The following MGARP variants were observed in gnomAD, a reference collection of about 807,000 sequenced individuals.
The protein encoded by MGARP is mitochondria localized glutamic acid rich protein, also known as protein MGARP.
In MGARP, 12 loss-of-function variants were observed where a neutral mutation model predicts 11.0. That is an observed-to-expected ratio of 1.09 (90% CI 0.70 to 1.77). The LOEUF (loss-of-function observed/expected upper bound fraction) is 1.77. Among genes scored for constraint, MGARP ranks in the 40% most tolerant of loss-of-function variants. The pLI is 0.00. For missense variants in MGARP, 283 were observed against 297.8 expected (o/e 0.95, Z 0.36); for synonymous variants, 110 against 115.4 (o/e 0.95, Z 0.30).
At chr4:139,277,120 T>C (rs1744885826) in intron 1 of MGARP, among the ~76,000 whole-genome samples, 1 of 152,212 alleles carries the variant, frequency 6.6e-6, no homozygotes, top group Non-Finnish European at 1.5e-5. Flanking sequence ...TCAGAAAGTT[T>C]CTAATTTTGG....
At chr4:139,267,799 C>G (rs1744719190) in intron 3 of MGARP, among the ~76,000 whole-genome samples, 1 of 151,988 alleles carries the variant, frequency 6.6e-6, no homozygotes, top group Non-Finnish European at 1.5e-5. Context: ...ATAATAATAG[C>G]TTGGAAAAAA....
At chr4:139,272,057 GT>G (rs34302192) in intron 2 of MGARP, among the ~76,000 whole-genome samples, 35,603 of 144,676 alleles carry the variant, frequency 0.25, 4,264 homozygotes, top group Non-Finnish European at 0.27. Context: ...CTCAATCTCT[GT>G]TTTTTTTTTT....
chr4:139,280,145 C>G lies in MGARP; in HGVS notation c.14G>C (p.Arg5Thr), dbSNP rs777599369. 1.2e-6 allele frequency: 2 copies of G among 1,610,192 alleles called. No homozygotes were observed. The highest frequency in any genetic ancestry group is 2.7e-5 in the African/African-American group (2 of 74,754). Residue 5 changes from arginine to threonine, a missense_variant, in exon 1 of 4, where the codon AGG becomes ACG. Physicochemically the swap from Arg to Thr is moderately conservative, Grantham distance 71. Coordinates refer to ENST00000398955, the MANE Select transcript of MGARP (RefSeq NM_032623.4). MYLR[R>T]AVSKTLALPL... ...CAGCGCCAGAGTCTTGGAGACCGCC[C>G]TGCGGAGATACATCGCGCCCGCTGT...
intron 2 of MGARP, 125 bp downstream of exon 2, chr4:139,275,164 C>A: frequency 1.4e-6 from 1 of 720,976 alleles, no homozygotes; most frequent in Non-Finnish European, 2.3e-6. Context: ...CTTAATGACA[C>A]TTAAATCTAT....
intron 2 of MGARP, 82 bp downstream of exon 2, chr4:139,275,207 C>T (rs1744847140): frequency 9.2e-7 from 1 of 1,089,352 alleles, no homozygotes; most frequent in African/African-American, 1.6e-5. Flanking sequence ...ATCTCATGTC[C>T]TGATCTTGAC....
intron 1 of MGARP, among the ~76,000 whole-genome samples, chr4:139,278,338 G>A (rs191776316): frequency 1.9e-4 from 29 of 152,276 alleles, no homozygotes; most frequent in African/African-American, 6.5e-4. Flanking sequence ...TTTCATCAAA[G>A]TAGAAAGTAT....
chr4:139,266,571 T>C lies in MGARP; in HGVS notation c.*28A>G. The C allele has an allele frequency of 6.3e-7, 1 of 1,594,552 alleles. No individual in the cohort carries two copies. The highest frequency in any genetic ancestry group is 8.5e-7 in the Non-Finnish European group (1 of 1,169,804). ...CACTTATCAGACACCCTATGGCATT[T>C]GTTGCTGAAATGTCTACCGGCTGGA... On this transcript the variant is annotated 3_prime_UTR_variant, in exon 4 of 4. Transcript: ENST00000398955.
chr4:139,274,708 C>T (rs983175889), intron 2 of MGARP, among the ~76,000 whole-genome samples: 5 of 152,160 alleles, frequency 3.3e-5, no homozygotes, highest in Admixed American at 6.5e-5. Flanking sequence ...GCCTCGAACT[C>T]CTGACCTTAG....
rs757326727 is a variant in MGARP at position 139,266,576 on chromosome 4, C to T, written c.*23G>A. On this transcript the variant is annotated 3_prime_UTR_variant, in exon 4 of 4. Coordinates refer to ENST00000398955, the MANE Select transcript of MGARP (RefSeq NM_032623.4). ...ATCAGACACCCTATGGCATTTGTTG[C>T]TGAAATGTCTACCGGCTGGAGATTA... 16 of 1,598,594 alleles carry T rather than the reference C, an allele frequency of 1.0e-5. No individual in the cohort carries two copies. Among genetic ancestry groups the T allele is most frequent in the Non-Finnish European group, 1.4e-5 (16 of 1,172,248 alleles).
rs1744699715 is a variant in MGARP, at chr4:139,266,592, C to T, written c.*7G>A. 1.2e-6 allele frequency: 2 copies of T among 1,608,318 alleles called. No homozygotes were observed. The highest frequency in any genetic ancestry group is 2.2e-5 in the South Asian group (2 of 90,888). ...CATTTGTTGCTGAAATGTCTACCGG[C>T]TGGAGATTAGCCTTGAGCCGAAGCA... On this transcript the variant is annotated 3_prime_UTR_variant, in exon 4 of 4. Transcript: ENST00000398955.
Position 139,266,332 on chromosome 4 carries a change from C to CTGTA in MGARP, c.*266_*267insTACA. The stretch of plus-strand genomic sequence containing the variant: ...GATGACTGGGATAAAAGAAAAGTGT[C>CTGTA]TAGAAAAAAAAACCAAAGATGAAAC... On this transcript the variant is annotated 3_prime_UTR_variant, in exon 4 of 4. Transcript: ENST00000398955. 2.9e-6 allele frequency: 1 copy of CTGTA among 341,648 alleles called. No individual in the cohort carries two copies. The highest frequency in any genetic ancestry group is 6.6e-5 in the South Asian group (1 of 15,236). 21.2% of individuals were successfully genotyped at this position (341,648 alleles called of 1,614,324 possible).
At chr4:139,274,891 A>G (rs1316237674) in intron 2 of MGARP, among the ~76,000 whole-genome samples, 2 of 152,220 alleles carry the variant, frequency 1.3e-5, no homozygotes, top group Non-Finnish European at 2.9e-5. Flanking sequence ...GGAGTCTGGC[A>G]TATGATAAAC....
chr4:139,267,661 A>G (rs1253830419), intron 3 of MGARP, among the ~76,000 whole-genome samples: 1 of 152,240 alleles, frequency 6.6e-6, no homozygotes, highest in Admixed American at 6.5e-5. Flanking sequence ...TAGTATTATA[A>G]ACAACCGCAT....
In MGARP at chr4:139,280,068, C is replaced by CT. The variant is rs1560933967; in HGVS notation, c.82+8dup. 1 of 1,612,060 alleles carries CT rather than the reference C, an allele frequency of 6.2e-7. No homozygotes were observed. Among genetic ancestry groups the CT allele is most frequent in the Non-Finnish European group, 8.5e-7 (1 of 1,179,674 alleles). ...CGTCCTCCTCTCCGGGCTAGACCTCCTTACTCACCGTCCTTTCCGAGCGGC... is the reference window on the plus strand; with the variant it reads ...CGTCCTCCTCTCCGGGCTAGACCTCCTTTACTCACCGTCCTTTCCGAGCGGC... On this transcript the variant is annotated intron_variant, in intron 1 of 3. Transcript: ENST00000398955.
In MGARP at chr4:139,268,686, A is replaced by T; in HGVS notation, c.266T>A (p.Ile89Lys). The stretch of plus-strand genomic sequence containing the variant: ...AATTCATTTACCTTGAAATGGATGT[A>T]TCTCTGCTTTTGTTTTTTCTTTCAA... ...TNLKEKTKAE[I>K]HPFQGEKENV... The change falls in exon 3 of 4, where the codon ATA becomes AAA. Residue 89 changes from isoleucine to lysine, a missense_variant. Ile to Lys is a moderately radical substitution (Grantham distance 102). Coordinates refer to ENST00000398955, the MANE Select transcript of MGARP (RefSeq NM_032623.4). The T allele has an allele frequency of 6.2e-7, 1 of 1,604,602 alleles. No individual in the cohort carries two copies. Among genetic ancestry groups the T allele is most frequent in the Non-Finnish European group, 8.5e-7 (1 of 1,175,068 alleles).
chr4:139,278,283 A>G (rs553686348), intron 1 of MGARP, among the ~76,000 whole-genome samples: 49 of 152,308 alleles, frequency 3.2e-4, no homozygotes, highest in Middle Eastern at 6.8e-3. Flanking sequence ...ATGTGATGAG[A>G]CACAGTTAAA....
intron 2 of MGARP, among the ~76,000 whole-genome samples, chr4:139,271,455 G>A (rs1172726734): frequency 6.6e-6 from 1 of 152,270 alleles, no homozygotes; most frequent in Middle Eastern, 3.4e-3. Flanking sequence ...GAACCCGGGA[G>A]GCGGAGGTTG....
At chr4:139,276,499 G>A (rs540165119) in intron 1 of MGARP, among the ~76,000 whole-genome samples, 1 of 152,140 alleles carries the variant, frequency 6.6e-6, no homozygotes, top group Non-Finnish European at 1.5e-5. Flanking sequence ...ACGTATAAAA[G>A]CATGAGAGAT....
chr4:139,266,567 C>G lies in MGARP; in HGVS notation c.*32G>C. 1 of 1,585,360 alleles carries G rather than the reference C, an allele frequency of 6.3e-7. No homozygotes were observed. The highest frequency in any genetic ancestry group is 8.6e-7 in the Non-Finnish European group (1 of 1,163,262). ...AAAGCACTTATCAGACACCCTATGG[C>G]ATTTGTTGCTGAAATGTCTACCGGC... On this transcript the variant is annotated 3_prime_UTR_variant, in exon 4 of 4. Transcript: ENST00000398955.
Sources: gnomAD v4.1 joint callset for allele counts (sites outside exome capture counted in the v4.1 genomes callset) on GRCh38, gnomAD v4.1.1 for gene constraint, MANE v1.5 for transcripts, NCBI Gene and HGNC (gene_info 2026-07-23, HGNC 2026-07-21) for gene names.